The following MAN1A1 variants were observed in gnomAD, a reference collection of about 807,000 sequenced individuals.
MAN1A1 encodes mannosidase alpha class 1A member 1.
In MAN1A1, 29 loss-of-function variants were observed where a neutral mutation model predicts 70.8. The ratio of observed to expected loss-of-function variants is 0.41; its 90% CI spans 0.31 to 0.56. MAN1A1 has a LOEUF of 0.56. MAN1A1 is among the 20% of genes least tolerant of loss of function. MAN1A1 has a pLI of 0.29. For missense variants in MAN1A1, 747 were observed against 841.3 expected (o/e 0.89, Z 1.39); for synonymous variants, 349 against 330.1 (o/e 1.06, Z -0.62).
At chr6:119,307,062 T>C (rs1204783898) in intron 2 of MAN1A1, 70 bp from the exon 3 acceptor site, 3 of 1,016,880 alleles carry the variant, frequency 3.0e-6, no homozygotes, top group Admixed American at 3.7e-5. Context: ...AGGTAATATA[T>C]TGAAGAGCAA....
chr6:119,199,382 G>C (rs1773655405), intron 8 of MAN1A1, among the ~76,000 whole-genome samples: 1 of 152,046 alleles, frequency 6.6e-6, no homozygotes, highest in Non-Finnish European at 1.5e-5. Context: ...AACAGTAAGT[G>C]GCTAGCTCAG....
At chr6:119,240,094 C>G (rs1290200562) in intron 6 of MAN1A1, among the ~76,000 whole-genome samples, 2 of 152,160 alleles carry the variant, frequency 1.3e-5, no homozygotes, top group Non-Finnish European at 2.9e-5. Context: ...AAGTAGTGGT[C>G]ATATTTAACA....
intron 2 of MAN1A1, among the ~76,000 whole-genome samples, chr6:119,336,681 G>A (rs894938175): frequency 6.6e-6 from 1 of 152,126 alleles, no homozygotes; most frequent in Non-Finnish European, 1.5e-5. Flanking sequence ...TCTTAGGGAG[G>A]AACATGTTTA....
At chr6:119,235,261 T>C (rs985707414) in intron 6 of MAN1A1, among the ~76,000 whole-genome samples, 2 of 152,196 alleles carry the variant, frequency 1.3e-5, no homozygotes, top group African/African-American at 4.8e-5. Context: ...GGAAGGCATA[T>C]CAAAAGTGAA....
At chr6:119,345,605 A>G (rs1261783139) in intron 2 of MAN1A1, among the ~76,000 whole-genome samples, 2 of 152,232 alleles carry the variant, frequency 1.3e-5, no homozygotes, top group East Asian at 3.8e-4. Context: ...CGAAGTTGTT[A>G]AAAATCTACT....
intron 5 of MAN1A1, among the ~76,000 whole-genome samples, chr6:119,267,818 C>T (rs551896597): frequency 6.3e-4 from 96 of 152,340 alleles, no homozygotes; most frequent in African/African-American, 2.2e-3. Flanking sequence ...TTTGAAGCCT[C>T]TTATTTTAAA....
At chr6:119,197,263 C>G (rs1433221535) in intron 8 of MAN1A1, among the ~76,000 whole-genome samples, 1 of 150,856 alleles carries the variant, frequency 6.6e-6, no homozygotes, top group African/African-American at 2.4e-5. Context: ...GACTGCACCA[C>G]TGCACACTAC....
chr6:119,268,689 T>G lies in MAN1A1; in HGVS notation c.898-20335A>C, dbSNP rs58826314. Among the ~76,000 whole-genome samples, 33 of 152,018 alleles carry G rather than the reference T, an allele frequency of 2.2e-4. No individual in the cohort carries two copies. In the East Asian group the frequency reaches 6.0e-3, roughly 28 times the overall value. ...GCAGCCTTGACCTCCCGGGCTTAGG[T>G]GACCTTCCCACCTCAGCCTCCCAAG... On this transcript the variant is annotated intron_variant, in intron 5 of 12. Transcript: ENST00000368468.
rs563852282 is a variant in MAN1A1 at position 119,258,424 on chromosome 6, C to A, written c.898-10070G>T. Among the ~76,000 whole-genome samples the A allele has an allele frequency of 3.3e-5, 5 of 152,274 alleles. No individual in the cohort carries two copies. The South Asian group carries it at 1.0e-3, about 32-fold the overall frequency. On this transcript the variant is annotated intron_variant, in intron 5 of 12. Coordinates refer to ENST00000368468, the MANE Select transcript of MAN1A1 (RefSeq NM_005907.4). ...GACTTGTCATTATTCCTAAACTACACAGTATAACAACTATTTACATAGCAA... is the reference window on the plus strand; with the variant it reads ...GACTTGTCATTATTCCTAAACTACAAAGTATAACAACTATTTACATAGCAA...
intron 6 of MAN1A1, 88 bp from the exon 7 acceptor site, chr6:119,204,970 T>A (rs1582694556): frequency 7.3e-7 from 1 of 1,376,876 alleles, no homozygotes; most frequent in Non-Finnish European, 9.9e-7. Flanking sequence ...AGACAGCTTT[T>A]AAAAAAAGGC....
At chr6:119,268,116 A>G (rs1775809605) in intron 5 of MAN1A1, among the ~76,000 whole-genome samples, 1 of 152,298 alleles carries the variant, frequency 6.6e-6, no homozygotes, top group Non-Finnish European at 1.5e-5. Context: ...TTAATTCATC[A>G]GGAGTTGTAA....
At chr6:119,338,399 G>A (rs1773518628) in intron 2 of MAN1A1, among the ~76,000 whole-genome samples, 1 of 150,786 alleles carries the variant, frequency 6.6e-6, no homozygotes, top group East Asian at 1.9e-4. Context: ...AAATATCTTT[G>A]ACAAAATGCA....
chr6:119,304,677 A>G (rs768282670), intron 3 of MAN1A1, among the ~76,000 whole-genome samples: 2 of 152,200 alleles, frequency 1.3e-5, no homozygotes, highest in Non-Finnish European at 2.9e-5. Context: ...AGCTGGTGAG[A>G]AACAACCATG....
At chr6:119,270,809 A>C (rs1355469909) in intron 5 of MAN1A1, among the ~76,000 whole-genome samples, 1 of 152,202 alleles carries the variant, frequency 6.6e-6, no homozygotes, top group African/African-American at 2.4e-5. Flanking sequence ...AAAATGAGAG[A>C]TCTATTTATA....
intron 2 of MAN1A1, among the ~76,000 whole-genome samples, chr6:119,345,349 A>G (rs1466566374): frequency 6.6e-6 from 1 of 152,222 alleles, no homozygotes; most frequent in East Asian, 1.9e-4. Flanking sequence ...ACCTGAGTAC[A>G]ATTTTAAGAT....
intron 6 of MAN1A1, among the ~76,000 whole-genome samples, chr6:119,217,792 C>T (rs1454467834): frequency 6.6e-6 from 1 of 152,186 alleles, no homozygotes; most frequent in Non-Finnish European, 1.5e-5. Flanking sequence ...CCTGCCAATC[C>T]TAGTTCACCA....
At chr6:119,291,284 C>T (rs939343192) in intron 4 of MAN1A1, among the ~76,000 whole-genome samples, 1 of 152,014 alleles carries the variant, frequency 6.6e-6, no homozygotes. Context: ...TAGCCTTCCG[C>T]CATGATTGTG....
chr6:119,314,655 C>A (rs1010738259), intron 2 of MAN1A1, among the ~76,000 whole-genome samples: 1 of 152,104 alleles, frequency 6.6e-6, no homozygotes, highest in African/African-American at 2.4e-5. Flanking sequence ...GGCCTCTGAG[C>A]CCTCCTGCTC....
At chr6:119,206,145 G>A (rs192905529) in intron 6 of MAN1A1, among the ~76,000 whole-genome samples, 2 of 152,294 alleles carry the variant, frequency 1.3e-5, no homozygotes, top group Admixed American at 6.5e-5. Flanking sequence ...ACGAGCAGAG[G>A]GGCTGGCCAG....
Sources: gnomAD v4.1 joint callset for allele counts (sites outside exome capture counted in the v4.1 genomes callset) on GRCh38, gnomAD v4.1.1 for gene constraint, MANE v1.5 for transcripts, NCBI Gene and HGNC (gene_info 2026-07-23, HGNC 2026-07-21) for gene names.